NSUN3: variants seen among roughly 807,000 people sequenced by gnomAD.
NSUN3 encodes NOP2/Sun RNA methyltransferase 3.
In NSUN3, 24 loss-of-function variants were observed where a neutral mutation model predicts 36.8. The ratio of observed to expected loss-of-function variants is 0.65; its 90% confidence interval spans 0.47 to 0.92. NSUN3 has a LOEUF of 0.92. NSUN3 is among the 40% of genes least tolerant of loss of function. The pLI, the probability that NSUN3 is intolerant of heterozygous loss-of-function variation, is 0.00. For missense variants in NSUN3, 381 were observed against 392.8 expected, an observed-to-expected ratio of 0.97 and a Z score of 0.25; for synonymous variants, 146 against 145.2, an observed-to-expected ratio of 1.01 and a Z score of -0.04.
chr3:94,086,784 A>G lies in NSUN3; in HGVS notation c.466+2334A>G, dbSNP rs191239147. On this transcript the variant is annotated intron_variant, in intron 3 of 5. Transcript: ENST00000314622. ...CTCGTTATTTTTATAATTTGAGCTG[A>G]AGTTTTGTGGAATTGTATGTTATAA... Among the ~76,000 whole-genome samples the G allele has an allele frequency of 1.4e-4, 22 of 152,314 alleles. 1 individual carries two copies. The East Asian group carries it at 3.7e-3, about 25-fold the overall frequency.
At chr3:94,113,398 C>A (rs1266121957) in intron 5 of NSUN3, among the ~76,000 whole-genome samples, 1 of 152,070 alleles carries the variant, frequency 6.6e-6, no homozygotes, top group Non-Finnish European at 1.5e-5. Flanking sequence ...AATAATAATT[C>A]ATGCCTCAGA....
intron 5 of NSUN3, among the ~76,000 whole-genome samples, chr3:94,107,832 G>T (rs1373621096): frequency 2.0e-5 from 3 of 152,144 alleles, no homozygotes; most frequent in Admixed American, 6.5e-5. Flanking sequence ...AATCAGAAAT[G>T]AGACCACAAT....
intron 5 of NSUN3, among the ~76,000 whole-genome samples, chr3:94,101,852 C>T (rs1216797289): frequency 6.6e-6 from 1 of 151,974 alleles, no homozygotes; most frequent in Non-Finnish European, 1.5e-5. Context: ...AAATGAAATA[C>T]ATGTAGTCTT....
chr3:94,102,080 G>T (rs2077368084), intron 5 of NSUN3, among the ~76,000 whole-genome samples: 1 of 151,578 alleles, frequency 6.6e-6, no homozygotes, highest in South Asian at 2.1e-4. Context: ...CAATTTGTGA[G>T]CTCATTGAAA....
At position 94,095,105 on chromosome 3, in the gene NSUN3, A is replaced by C; in HGVS notation, c.694A>C (p.Arg232=). ...TTCTGACTCTCAGAAGGCATCCTGT[A>C]GGATAAGTCAAAGGAGGAATTTGCC... ...FSSDSQKASC[R]ISQRRNLPLL... Residue 232 remains arginine, a synonymous_variant, in exon 5 of 6, where the codon AGG becomes CGG. Transcript: ENST00000314622. 1 of 1,613,914 alleles carries C rather than the reference A, an allele frequency of 6.2e-7. No individual in the cohort carries two copies. Among genetic ancestry groups the C allele is most frequent in the Non-Finnish European group, 8.5e-7 (1 of 1,179,852 alleles).
intron 1 of NSUN3, among the ~76,000 whole-genome samples, chr3:94,063,654 G>A (rs1211690502): frequency 6.6e-6 from 1 of 152,074 alleles, no homozygotes; most frequent in Non-Finnish European, 1.5e-5. Flanking sequence ...TTCTTGCTCT[G>A]TCACCCAATC....
chr3:94,108,885 G>A (rs1454223603), intron 5 of NSUN3, among the ~76,000 whole-genome samples: 3 of 151,686 alleles, frequency 2.0e-5, no homozygotes, highest in South Asian at 2.1e-4. Flanking sequence ...GGCTGGTCTC[G>A]AACTCCTGAC....
intron 2 of NSUN3, chr3:94,077,023 G>A: frequency 1.2e-6 from 1 of 835,982 alleles, no homozygotes; most frequent in Non-Finnish European, 2.1e-6. Context: ...GGTTACACCT[G>A]GAAGCCACTG....
At position 94,124,384 on chromosome 3, in the gene NSUN3, C is replaced by T. The variant is rs368411328; in HGVS notation, c.744-1827C>T. Among the ~76,000 whole-genome samples, 31 of 152,084 alleles carry T rather than the reference C, an allele frequency of 2.0e-4. No individual in the cohort carries two copies. In the South Asian group the frequency reaches 2.3e-3, roughly 11 times the overall value. The stretch of plus-strand genomic sequence containing the variant: ...TCAGGTGATCCATCTGCCTCGGTCT[C>T]CCAAAGTGCTAGGATTACAGGCGTG... On this transcript the variant is annotated intron_variant, in intron 5 of 5. Coordinates refer to ENST00000314622, the MANE Select transcript of NSUN3 (RefSeq NM_022072.5).
At chr3:94,110,434 A>G (rs996745688) in intron 5 of NSUN3, among the ~76,000 whole-genome samples, 3 of 152,006 alleles carry the variant, frequency 2.0e-5, no homozygotes, top group African/African-American at 7.2e-5. Context: ...TGAGGCCCAA[A>G]TTGCTGAATT....
chr3:94,076,305 G>C, intron 2 of NSUN3: 1 of 868,866 alleles, frequency 1.2e-6, no homozygotes, highest in Non-Finnish European at 2.0e-6. Flanking sequence ...CTTGTCAGCT[G>C]ATCCTGTGGC....
At chr3:94,068,612 T>G (rs998936227) in intron 2 of NSUN3, among the ~76,000 whole-genome samples, 1 of 152,206 alleles carries the variant, frequency 6.6e-6, no homozygotes, top group Non-Finnish European at 1.5e-5. Flanking sequence ...TTAATAAATG[T>G]ATGATTAATA....
chr3:94,126,231 G>T lies in NSUN3; in HGVS notation c.764G>T (p.Arg255Leu). 1.2e-6 allele frequency: 2 copies of T among 1,613,762 alleles called. No individual in the cohort carries two copies. The highest frequency in any genetic ancestry group is 1.7e-6 in the Non-Finnish European group (2 of 1,179,780). The change falls in exon 6 of 6, where the codon CGT becomes CTT. Residue 255 changes from arginine (R) to leucine (L), a missense_variant. Physicochemically the swap from Arg to Leu is moderately radical, Grantham distance 102. Transcript: ENST00000314622. The stretch of plus-strand genomic sequence containing the variant: ...CACAGGTCTGCAATTAAGGCCTTAC[G>T]TCCTGGAGGGATACTTGTATACTCT... The part of the protein sequence containing the change: ...ELLRSAIKAL[R>L]PGGILVYSTC...
chr3:94,104,813 T>C (rs1035692407), intron 5 of NSUN3, among the ~76,000 whole-genome samples: 1 of 152,178 alleles, frequency 6.6e-6, no homozygotes, highest in Non-Finnish European at 1.5e-5. Flanking sequence ...ATGGAATTTT[T>C]CCAGATGAGC....
chr3:94,064,357 A>T, intron 1 of NSUN3, 80 bp from the exon 2 acceptor site: 1 of 841,294 alleles, frequency 1.2e-6, no homozygotes, highest in East Asian at 2.5e-5. Flanking sequence ...TTCTTGTCTT[A>T]AAAAAAGACC....
intron 2 of NSUN3, among the ~76,000 whole-genome samples, chr3:94,065,596 A>G (rs2077201219): frequency 1.3e-5 from 2 of 152,234 alleles, no homozygotes; most frequent in Non-Finnish European, 2.9e-5. Context: ...AGCATTTTCT[A>G]AAACAAATTA....
At chr3:94,087,614 A>G (rs576393201) in intron 3 of NSUN3, among the ~76,000 whole-genome samples, 3 of 152,332 alleles carry the variant, frequency 2.0e-5, no homozygotes, top group African/African-American at 7.2e-5. Context: ...GTCTTAGTCA[A>G]CTTTCTGGCT....
At position 94,092,661 on chromosome 3, in the gene NSUN3, T is replaced by C. The variant is rs538312237; in HGVS notation, c.467-1479T>C. On this transcript the variant is annotated intron_variant, in intron 3 of 5. Transcript: ENST00000314622. Reference sequence around the variant, plus strand: ...GCTCATGTCTGTAATCCCAGCACGATGGGAGACCGAGGTAGGTAGGTCACC... The same window carrying C: ...GCTCATGTCTGTAATCCCAGCACGACGGGAGACCGAGGTAGGTAGGTCACC... 4.6e-5 allele frequency among the ~76,000 whole-genome samples: 7 copies of C among 152,186 alleles called. 1 individual carries two copies. In the East Asian group the frequency reaches 1.4e-3, roughly 29 times the overall value.
rs904421251 is a variant in NSUN3 at position 94,131,184 on chromosome 3, T to G, written c.*4694T>G. 1.3e-5 allele frequency among the ~76,000 whole-genome samples: 2 copies of G among 152,078 alleles called. No individual in the cohort carries two copies. Among genetic ancestry groups the G allele is most frequent in the African/African-American group, 4.8e-5 (2 of 41,408 alleles). ...CCTCCCACTTCAGCCTCCCAAAGTA[T>G]TGGGATTACAGGTGTGAGCCATTGT... On this transcript the variant is annotated 3_prime_UTR_variant, in exon 6 of 6. Transcript: ENST00000314622.
Sources: allele counts gnomAD v4.1 joint callset (sites outside exome capture counted in the v4.1 genomes callset), GRCh38; gene constraint gnomAD v4.1.1; transcripts MANE v1.5; gene names NCBI Gene and HGNC (gene_info 2026-07-23, HGNC 2026-07-21).